Variants in PIK3AP1 observed in about 807,000 individuals in gnomAD.
PIK3AP1 encodes phosphoinositide 3-kinase adapter protein 1.
A neutral mutation model predicts 88.1 loss-of-function variants in PIK3AP1; 21 were observed. The ratio of observed to expected loss-of-function variants is 0.24; its 90% CI spans 0.17 to 0.34. The LOEUF (loss-of-function observed/expected upper bound fraction) is 0.34. Ranked by LOEUF, PIK3AP1 falls within the 10% of genes least tolerant of loss-of-function variation. The probability of loss-of-function intolerance (pLI) is 1.00; values close to 1 mark genes in which losing one functional copy is unlikely to be tolerated. For synonymous variants in PIK3AP1, 398 were observed against 400.0 expected, an observed-to-expected ratio of 1.00 and a Z score of 0.06; for missense variants, 828 against 1,035.7, an observed-to-expected ratio of 0.80 and a Z score of 2.75.
At chr10:96,632,045 A>T (rs532515492) in intron 8 of PIK3AP1, among the ~76,000 whole-genome samples, 19 of 152,310 alleles carry the variant, frequency 1.2e-4, no homozygotes, top group Admixed American at 1.1e-3. Flanking sequence ...ATTATAGAAA[A>T]CATCAGACAA....
At chr10:96,611,269 G>GT (rs1252748777) in intron 13 of PIK3AP1, among the ~76,000 whole-genome samples, 1 of 152,156 alleles carries the variant, frequency 6.6e-6, no homozygotes, top group Non-Finnish European at 1.5e-5. Context: ...GCTTCCTAGG[G>GT]TTTTGTGTAA....
intron 6 of PIK3AP1, among the ~76,000 whole-genome samples, chr10:96,649,207 C>T (rs546070996): frequency 1.3e-5 from 2 of 152,234 alleles, no homozygotes; most frequent in South Asian, 4.2e-4. Flanking sequence ...TCACGCCCAG[C>T]TAATTTTTGT....
At chr10:96,712,024 A>C (rs930772961) in intron 1 of PIK3AP1, among the ~76,000 whole-genome samples, 1 of 151,700 alleles carries the variant, frequency 6.6e-6, no homozygotes, top group African/African-American at 2.4e-5. Flanking sequence ...AAAGTGCTGG[A>C]ATTACAGGCG....
chr10:96,679,144 A>G (rs551695582), intron 2 of PIK3AP1, among the ~76,000 whole-genome samples: 1 of 152,010 alleles, frequency 6.6e-6, no homozygotes, highest in Admixed American at 6.6e-5. Context: ...ACACTCAAGG[A>G]TTTTTTTTTA....
intron 7 of PIK3AP1, among the ~76,000 whole-genome samples, chr10:96,646,322 G>T (rs1843459796): frequency 6.6e-6 from 1 of 151,868 alleles, no homozygotes; most frequent in African/African-American, 2.4e-5. Flanking sequence ...CTAGGTATTT[G>T]CCTATACCCT....
intron 16 of PIK3AP1, among the ~76,000 whole-genome samples, chr10:96,599,441 C>T (rs1848845454): frequency 1.3e-5 from 2 of 152,104 alleles, no homozygotes; most frequent in Non-Finnish European, 2.9e-5. Context: ...CTGCTGGTGG[C>T]AATTCAAGCT....
chr10:96,648,974 T>C, intron 6 of PIK3AP1, 119 bp from the exon 7 acceptor site: 1 of 801,632 alleles, frequency 1.2e-6, no homozygotes. Context: ...AGCCATTACT[T>C]ATTGATTGAC....
chr10:96,632,890 GA>G lies in PIK3AP1; in HGVS notation c.1376-4398del, dbSNP rs546263972. 158 of 1,612,114 alleles carry G rather than the reference GA, an allele frequency of 9.8e-5. 1 individual carries two copies. In the Middle Eastern group the frequency reaches 2.3e-3, roughly 24 times the overall value. The stretch of plus-strand genomic sequence containing the variant: ...TTCAATCGAACATTCAGACTCACAA[GA>G]TGACCCTGGGACATGCTTGGCACCA... On this transcript the variant is annotated intron_variant, in intron 8 of 16. Coordinates refer to ENST00000339364, the MANE Select transcript of PIK3AP1 (RefSeq NM_152309.3).
chr10:96,645,493 G>A lies in PIK3AP1; in HGVS notation c.1355C>T (p.Pro452Leu). 2 of 1,613,686 alleles carry A rather than the reference G, an allele frequency of 1.2e-6. No homozygotes were observed. Among genetic ancestry groups the A allele is most frequent in the Non-Finnish European group, 1.7e-6 (2 of 1,179,846 alleles). ...DLYESMAAFV[P>L]AATEDLYVEM... ...CTTACAGAGGTCTTCAGTGGCAGCT[G>A]GGACAAAGGCAGCCATGGACTCATA... Residue 452 changes from proline (P) to leucine (L), a missense_variant, in exon 8 of 17, where the codon CCA becomes CTA. By Grantham distance (98) the Pro-to-Leu change is moderately conservative. Coordinates refer to ENST00000339364, the MANE Select transcript of PIK3AP1 (RefSeq NM_152309.3).
chr10:96,596,020 C>T (rs1848747901), intron 16 of PIK3AP1, among the ~76,000 whole-genome samples: 6 of 152,134 alleles, frequency 3.9e-5, no homozygotes, highest in Admixed American at 3.9e-4. Flanking sequence ...GACTGCCCCT[C>T]CCAGGGTAAG....
chr10:96,622,735 A>T (rs74663779), intron 11 of PIK3AP1, among the ~76,000 whole-genome samples: 7,199 of 152,314 alleles, frequency 0.047, 213 homozygotes, highest in African/African-American at 0.065. Flanking sequence ...GCTACTTTTC[A>T]AAAGAATCCT....
At chr10:96,611,281 C>T (rs78142241) in intron 13 of PIK3AP1, among the ~76,000 whole-genome samples, 2,747 of 152,178 alleles carry the variant, frequency 0.018, 84 homozygotes, top group African/African-American at 0.063. Context: ...TTTGTGTAAT[C>T]CAGGTCTTTT....
intron 2 of PIK3AP1, chr10:96,700,961 T>C: frequency 1.1e-6 from 1 of 878,742 alleles, no homozygotes; most frequent in Non-Finnish European, 1.4e-6. Flanking sequence ...CATAATAGCC[T>C]ATAACAGACC....
At chr10:96,648,233 G>A (rs1305299758) in intron 7 of PIK3AP1, among the ~76,000 whole-genome samples, 2 of 152,198 alleles carry the variant, frequency 1.3e-5, no homozygotes, top group African/African-American at 4.8e-5. Flanking sequence ...CCACCATGGT[G>A]CCCTGGAGGC....
At chr10:96,664,562 C>T (rs1311780175) in intron 2 of PIK3AP1, among the ~76,000 whole-genome samples, 1 of 152,112 alleles carries the variant, frequency 6.6e-6, no homozygotes, top group African/African-American at 2.4e-5. Context: ...TTAAAATAGG[C>T]ACAAAACCAA....
At chr10:96,611,144 C>T (rs1849101986) in intron 13 of PIK3AP1, among the ~76,000 whole-genome samples, 1 of 152,290 alleles carries the variant, frequency 6.6e-6, no homozygotes, top group Non-Finnish European at 1.5e-5. Context: ...CCAAGTCCCC[C>T]AGAACATTCT....
chr10:96,713,096 G>A (rs182321503), intron 1 of PIK3AP1, among the ~76,000 whole-genome samples: 3 of 152,108 alleles, frequency 2.0e-5, no homozygotes. Context: ...AGGCCCAGTG[G>A]CTCATTACTA....
intron 8 of PIK3AP1, among the ~76,000 whole-genome samples, chr10:96,629,273 T>C (rs1435900372): frequency 6.6e-6 from 1 of 152,218 alleles, no homozygotes; most frequent in East Asian, 1.9e-4. Flanking sequence ...TATGAATTCA[T>C]AAATATGCAG....
At chr10:96,632,818 G>A (rs770310246) in intron 8 of PIK3AP1, 479 of 1,561,538 alleles carry the variant, frequency 3.1e-4, no homozygotes, top group Non-Finnish European at 3.7e-4. Flanking sequence ...ACTTCTGGCT[G>A]TATTGACTAC....
Sources: allele counts gnomAD v4.1 joint callset (sites outside exome capture counted in the v4.1 genomes callset), GRCh38; gene constraint gnomAD v4.1.1; transcripts MANE v1.5; gene names NCBI Gene and HGNC (gene_info 2026-07-23, HGNC 2026-07-21).